Variants in TULP4 observed in about 807,000 individuals in gnomAD.
The protein encoded by TULP4 is TUB like protein 4, also known as tubby-related protein 4.
A neutral mutation model predicts 129.0 loss-of-function variants in TULP4; 16 were observed. The observed-to-expected ratio is 0.12, with a 90% CI of 0.08 to 0.19. TULP4 has a LOEUF of 0.19. TULP4 is among the 10% of genes least tolerant of loss of function. TULP4 has a pLI of 1.00. For synonymous variants in TULP4, 998 were observed against 854.0 expected, an observed-to-expected ratio of 1.17 and a Z score of -2.94; for missense variants, 1,842 against 2,059.1, an observed-to-expected ratio of 0.89 and a Z score of 2.04.
intron 1 of TULP4, among the ~76,000 whole-genome samples, chr6:158,241,093 C>T (rs1316373674): frequency 1.5e-5 from 2 of 137,430 alleles, no homozygotes; most frequent in African/African-American, 2.6e-5. Context: ...CAGAGGCGCT[C>T]CTCACGTCCC....
intron 1 of TULP4, among the ~76,000 whole-genome samples, chr6:158,245,767 A>G (rs1174255798): frequency 6.6e-6 from 1 of 152,212 alleles, no homozygotes; most frequent in Non-Finnish European, 1.5e-5. Context: ...AGGTACCCAT[A>G]ATATTGAGTG....
intron 1 of TULP4, among the ~76,000 whole-genome samples, chr6:158,402,441 A>G (rs147221681): frequency 1.4e-4 from 21 of 152,334 alleles, no homozygotes; most frequent in Admixed American, 3.9e-4. Flanking sequence ...GATAGTGTTG[A>G]CTGTCATTAC....
intron 3 of TULP4, among the ~76,000 whole-genome samples, chr6:158,440,756 G>A (rs1021735310): frequency 1.3e-5 from 2 of 152,162 alleles, no homozygotes; most frequent in East Asian, 1.9e-4. Context: ...GTACTGGTTC[G>A]TTTTTAGTTA....
chr6:158,404,680 G>A (rs1250558348), intron 1 of TULP4, among the ~76,000 whole-genome samples: 1 of 151,630 alleles, frequency 6.6e-6, no homozygotes, highest in East Asian at 1.9e-4. Context: ...GGAGGCTGAG[G>A]CAGGAGAATT....
chr6:158,375,320 G>T (rs1192512922), intron 1 of TULP4, among the ~76,000 whole-genome samples: 1 of 152,220 alleles, frequency 6.6e-6, no homozygotes, highest in East Asian at 1.9e-4. Context: ...AATTCAGCGT[G>T]TTCCTTTTTT....
At chr6:158,401,050 T>TTGTTGTTGTTGTTGTTG (rs1562551078) in intron 1 of TULP4, among the ~76,000 whole-genome samples, 2 of 147,100 alleles carry the variant, frequency 1.4e-5, no homozygotes, top group Admixed American at 6.8e-5. Context: ...GTTTGGGTTT[T>TTGTTGTTGTTGTTGTTG]TTGTTGTTGT....
upstream of TULP4, chr6:158,310,276 T>A (rs1346407052): frequency 2.0e-5 from 3 of 150,600 alleles, no homozygotes; most frequent in Non-Finnish European, 4.4e-5. Context: ...GCATGTCACA[T>A]AGCTAGAGCG....
chr6:158,460,080 A>G (rs1017779534), intron 5 of TULP4, among the ~76,000 whole-genome samples: 1 of 152,118 alleles, frequency 6.6e-6, no homozygotes, highest in Non-Finnish European at 1.5e-5. Context: ...GCTTTGGCTC[A>G]GCCCTTTGTC....
intron 1 of TULP4, among the ~76,000 whole-genome samples, chr6:158,370,389 A>G (rs1158811955): frequency 6.9e-6 from 1 of 145,544 alleles, no homozygotes; most frequent in East Asian, 2.1e-4. Context: ...CCCAGGAAAC[A>G]GAGGCTGCAG....
At chr6:158,280,855 CA>C (rs1375967220), upstream of TULP4, among the ~76,000 whole-genome samples, 1 of 152,162 alleles carries the variant, frequency 6.6e-6, no homozygotes, top group African/African-American at 2.4e-5. Context: ...GGATGTTCGG[CA>C]CTCAAGTGTT....
At chr6:158,308,184 T>G (rs1779250416), upstream of TULP4, among the ~76,000 whole-genome samples, 1 of 36,970 alleles carries the variant, frequency 2.7e-5, no homozygotes, top group Non-Finnish European at 7.2e-5. Flanking sequence ...GTACTTGAGA[T>G]TAGGGAGTGG....
chr6:158,315,912 T>G (rs1216989420), intron 1 of TULP4, among the ~76,000 whole-genome samples: 2 of 152,234 alleles, frequency 1.3e-5, no homozygotes, highest in African/African-American at 4.8e-5. Context: ...GTCCCACCTC[T>G]TGATACCACC....
intron 1 of TULP4, among the ~76,000 whole-genome samples, chr6:158,250,261 G>A (rs776478543): frequency 6.6e-6 from 1 of 151,834 alleles, no homozygotes; most frequent in African/African-American, 2.4e-5. Flanking sequence ...GAGTTCAAGC[G>A]ATTATTCTGT....
chr6:158,242,762 G>A (rs568848024), intron 1 of TULP4: 3 of 422,756 alleles, frequency 7.1e-6, no homozygotes, highest in African/African-American at 2.0e-5. Context: ...TGTTCTGGCC[G>A]TACCGGTTCA....
At chr6:158,270,872 G>C (rs929123326) in intron 1 of TULP4, among the ~76,000 whole-genome samples, 1 of 152,174 alleles carries the variant, frequency 6.6e-6, no homozygotes, top group Non-Finnish European at 1.5e-5. Flanking sequence ...CTGTAGGGCC[G>C]GGCACAGTGG....
rs888815329 is a variant in TULP4 at position 158,493,554 on chromosome 6, C to T, written c.1632-19C>T. On this transcript the variant is annotated intron_variant, in intron 9 of 13. Transcript: ENST00000367097. The surrounding 1 kb of genome is among the most constrained non-coding windows in gnomAD (Gnocchi z 4.4). ...TTCCCGCCACGGATGCCTGACCCCT[C>T]CTGGCCTTGCCTCCCCAGGATCAGC... 6.8e-7 allele frequency: 1 copy of T among 1,476,716 alleles called. No individual in the cohort carries two copies. Among genetic ancestry groups the T allele is most frequent in the African/African-American group, 1.5e-5 (1 of 68,876 alleles). The allele number at this position is 1,476,716 out of a possible 1,614,324, so 91.5% of individuals were successfully genotyped here.
At position 158,304,852 on chromosome 6, in the gene TULP4, C is replaced by T. The variant is rs534828207; in HGVS notation, n.117-7199C>T. ...TGGCTGATTTTTTTATTTTTTGTAA[C>T]GACGGGGTCTTGCTATATTGTCCAT... On this transcript the variant is annotated intron_variant and non_coding_transcript_variant, in intron 1 of 1. Coordinates refer to the TULP4 transcript ENST00000432358. Among the ~76,000 whole-genome samples the T allele has an allele frequency of 2.2e-3, 340 of 151,556 alleles. 2 individuals are homozygous for T. The highest frequency in any genetic ancestry group is 3.5e-3 in the Non-Finnish European group (239 of 67,832).
intron 1 of TULP4, among the ~76,000 whole-genome samples, chr6:158,386,408 T>G (rs1035132731): frequency 5.9e-5 from 9 of 152,206 alleles, no homozygotes; most frequent in African/African-American, 1.9e-4. Context: ...GGACATCCAG[T>G]CTTTCATGGT....
At position 158,477,171 on chromosome 6, in the gene TULP4, G is replaced by A. The variant is rs191467851; in HGVS notation, c.1027-2580G>A. Among the ~76,000 whole-genome samples, 74 of 152,240 alleles carry A rather than the reference G, an allele frequency of 4.9e-4. 1 individual carries two copies. Among genetic ancestry groups the A allele is most frequent in the African/African-American group, 1.8e-3 (73 of 41,550 alleles). ...CTGATTTTCATCTAGTTGAAGGTCTGTGTGAGTGGTTTAAGTTCTTGGTAC... is the reference window on the plus strand; with the variant it reads ...CTGATTTTCATCTAGTTGAAGGTCTATGTGAGTGGTTTAAGTTCTTGGTAC... On this transcript the variant is annotated intron_variant, in intron 6 of 13. Transcript: ENST00000367097.
Sources: gnomAD v4.1 joint callset for allele counts (sites outside exome capture counted in the v4.1 genomes callset) on GRCh38, gnomAD v4.1.1 for gene constraint, Gnocchi (gnomAD v3.1) non-coding constraint, MANE v1.5 for transcripts, NCBI Gene and HGNC (gene_info 2026-07-23, HGNC 2026-07-21) for gene names.